Variants in STARD9 observed in about 807,000 individuals in gnomAD.
The protein encoded by STARD9 is stAR-related lipid transfer protein 9.
In STARD9, 346 loss-of-function variants were observed where a neutral mutation model predicts 399.8. That is an observed-to-expected ratio of 0.87 (90% confidence interval 0.79 to 0.95). STARD9 has a LOEUF of 0.95. Among genes scored for constraint, STARD9 ranks in the 40% least tolerant of loss-of-function variants. The pLI is 0.00. For missense variants in STARD9, 5,832 were observed against 5,667.5 expected, an observed-to-expected ratio of 1.03 and a Z score of -0.93; for synonymous variants, 2,203 against 2,143.5, an observed-to-expected ratio of 1.03 and a Z score of -0.77.
intron 3 of STARD9, among the ~76,000 whole-genome samples, chr15:42,592,857 G>C (rs1036005014): frequency 1.4e-4 from 22 of 152,106 alleles, no homozygotes; most frequent in African/African-American, 5.1e-4. Flanking sequence ...ATTTTTTCTG[G>C]CTTGAATCTG....
chr15:42,712,705 T>C (rs1269996233), intron 26 of STARD9, among the ~76,000 whole-genome samples: 1 of 152,182 alleles, frequency 6.6e-6, no homozygotes, highest in Non-Finnish European at 1.5e-5. Flanking sequence ...TACCACACTT[T>C]TTGTGTGTGT....
chr15:42,621,529 T>C (rs567681136), intron 3 of STARD9, among the ~76,000 whole-genome samples: 2 of 152,254 alleles, frequency 1.3e-5, no homozygotes, highest in Non-Finnish European at 2.9e-5. Context: ...GATAACACTT[T>C]TGGACAGAAA....
In STARD9 at chr15:42,684,696, G is replaced by T; in HGVS notation, c.3118G>T (p.Ala1040Ser). The T allele has an allele frequency of 6.5e-7, 1 of 1,537,098 alleles. No homozygotes were observed. Among genetic ancestry groups the T allele is most frequent in the Non-Finnish European group, 8.7e-7 (1 of 1,146,898 alleles). Residue 1040 changes from alanine (A) to serine (S), a missense_variant, in exon 23 of 33, where the codon GCA (alanine) becomes TCA (serine). This residue lies in a region of STARD9 where 5,828 missense variants were observed against 5,651.1 expected (regional missense o/e 1.03). Coordinates refer to ENST00000290607, the MANE Select transcript of STARD9 (RefSeq NM_020759.3). ...TEYKPPSPSR[A>S]SKRHQRVLAT... ...ATACAAACCACCTTCTCCAAGCAGGGCATCAAAAAGGCATCAGAGGGTTCT... is the reference window on the plus strand; with the variant it reads ...ATACAAACCACCTTCTCCAAGCAGGTCATCAAAAAGGCATCAGAGGGTTCT...
chr15:42,601,993 C>G (rs568003335), intron 3 of STARD9, among the ~76,000 whole-genome samples: 272 of 152,298 alleles, frequency 1.8e-3, no homozygotes, highest in Non-Finnish European at 2.3e-3. Context: ...ACTACAGGTG[C>G]GTGTCACCAC....
At chr15:42,695,610 GGGA>G (rs1454591495) in intron 25 of STARD9, 130 bp from the exon 26 acceptor site, 2 of 1,050,846 alleles carry the variant, frequency 1.9e-6, no homozygotes, top group African/African-American at 3.2e-5. Context: ...GGCTAAGTCA[GGGA>G]GGCCCTGGGA....
rs1489700003 is a variant in STARD9 at position 42,689,437 on chromosome 15, C to T, written c.7859C>T (p.Ser2620Phe). 4.6e-6 allele frequency: 7 copies of T among 1,537,410 alleles called. No homozygotes were observed. In the African/African-American group the frequency reaches 9.6e-5, roughly 21 times the overall value. The change falls in exon 23 of 33, where the codon TCT (serine) becomes TTT (phenylalanine). Residue 2620 changes from serine (S) to phenylalanine (F), a missense_variant. Physicochemically the swap from Ser to Phe is radical, Grantham distance 155. Coordinates refer to ENST00000290607, the MANE Select transcript of STARD9 (RefSeq NM_020759.3). ...EGEAPGFHVA[S>F]LSAEAGQIDL... ...GAAGCACCGGGATTTCATGTGGCAT[C>T]TCTATCTGCTGAAGCAGGGCAGATA...
intron 4 of STARD9, among the ~76,000 whole-genome samples, chr15:42,635,459 A>C (rs2059401732): frequency 6.6e-6 from 1 of 151,858 alleles, no homozygotes; most frequent in Non-Finnish European, 1.5e-5. Context: ...CCTCCAGAGT[A>C]GCTGGGACTA....
intron 26 of STARD9, among the ~76,000 whole-genome samples, chr15:42,712,081 T>TATATATATATATA (rs57090140): frequency 2.6e-5 from 1 of 39,130 alleles, no homozygotes; most frequent in African/African-American, 3.2e-4. Flanking sequence ...TATATATATA[T>TATATATATATATA]TATATATATA....
In STARD9 at chr15:42,687,439, G is replaced by T. The variant is rs1189999169; in HGVS notation, c.5861G>T (p.Arg1954Leu). The T allele has an allele frequency of 6.5e-7, 1 of 1,537,066 alleles. No individual in the cohort carries two copies. The highest frequency in any genetic ancestry group is 8.7e-7 in the Non-Finnish European group (1 of 1,146,916). ...AVSLKSRSVD[R>L]RVSSPVMVAQ... ...TCTTTGAAATCCAGATCAGTAGATC[G>T]TAGAGTAAGCAGCCCAGTGATGGTG... is the stretch of plus-strand genomic sequence containing the variant. Residue 1954 changes from arginine to leucine, a missense_variant, in exon 23 of 33, where the codon CGT (arginine) becomes CTT (leucine). Physicochemically the swap from Arg to Leu is moderately radical, Grantham distance 102 (BLOSUM62 -2). Coordinates refer to ENST00000290607, the MANE Select transcript of STARD9 (RefSeq NM_020759.3).
chr15:42,617,756 GTTCTT>G (rs959801429), intron 3 of STARD9, among the ~76,000 whole-genome samples: 3 of 151,294 alleles, frequency 2.0e-5, no homozygotes, highest in Admixed American at 1.3e-4. Flanking sequence ...TTTTTATTTT[GTTCTT>G]TTCTTTTCTA....
At chr15:42,592,917 G>C (rs1305767147) in intron 3 of STARD9, among the ~76,000 whole-genome samples, 1 of 152,160 alleles carries the variant, frequency 6.6e-6, no homozygotes, top group African/African-American at 2.4e-5. Context: ...TTGAATTCAG[G>C]CAGTCAGTTA....
At chr15:42,694,472 G>T in intron 23 of STARD9, 56 bp from the exon 24 acceptor site, 1 of 1,528,344 alleles carries the variant, frequency 6.5e-7, no homozygotes, top group Non-Finnish European at 8.8e-7. Context: ...GTCAGAGATA[G>T]ATCTTAAAGT....
rs34614271 is a variant in STARD9 at position 42,699,392 on chromosome 15, C to CTTTTTTTTT, written c.13284+3524_13284+3532dup. On this transcript the variant is annotated intron_variant, in intron 26 of 32. Coordinates refer to ENST00000290607, the MANE Select transcript of STARD9 (RefSeq NM_020759.3). ...TCTATGAGATCAACTTTTTTCTTTT[C>CTTTTTTTTT]TTTTTTTTTTTTTTTTTTTTGAGAT... Among the ~76,000 whole-genome samples the CTTTTTTTTT allele has an allele frequency of 1.0e-3, 117 of 113,290 alleles. 4 individuals carry two copies. The highest frequency in any genetic ancestry group is 4.5e-3 in the African/African-American group (111 of 24,548). The allele number at this position is 113,290 out of a possible 152,430, so 74.3% of individuals were successfully genotyped here.
Position 42,719,868 on chromosome 15 carries a change from G to T in STARD9, c.*294G>T, listed in dbSNP as rs1358888946. 5 of 308,082 alleles carry T rather than the reference G, an allele frequency of 1.6e-5. No homozygotes were observed. Among genetic ancestry groups the T allele is most frequent in the Non-Finnish European group, 3.0e-5 (5 of 165,544 alleles). The allele number at this position is 308,082 out of a possible 1,614,324, so 19.1% of individuals were successfully genotyped here. ...TCTCACCTTTCTTTCCTGTTTCTGG[G>T]ACTCTGCGGCAGACAGGACACTTAA... On this transcript the variant is annotated 3_prime_UTR_variant, in exon 33 of 33. Transcript: ENST00000290607.
chr15:42,685,661 T>C lies in STARD9; in HGVS notation c.4083T>C (p.Pro1361=). 1 of 1,537,232 alleles carries C rather than the reference T, an allele frequency of 6.5e-7. No individual in the cohort carries two copies. Among genetic ancestry groups the C allele is most frequent in the Non-Finnish European group, 8.7e-7 (1 of 1,146,928 alleles). ...PGIVGSLCPS[P]DMQEFHSCKG... Reference sequence around the variant, plus strand: ...TAGTGGGTTCTTTATGTCCAAGTCCTGATATGCAGGAATTTCACTCCTGTA... The same window carrying C: ...TAGTGGGTTCTTTATGTCCAAGTCCCGATATGCAGGAATTTCACTCCTGTA... Residue 1361 remains proline (P), a synonymous_variant, in exon 23 of 33, where the codon CCT becomes CCC. Coordinates refer to ENST00000290607, the MANE Select transcript of STARD9 (RefSeq NM_020759.3).
intron 3 of STARD9, among the ~76,000 whole-genome samples, chr15:42,630,963 C>T (rs576444632): frequency 1.0e-4 from 15 of 148,878 alleles, no homozygotes; most frequent in Admixed American, 2.7e-4. Context: ...GTGTTTGATT[C>T]GCTCTTACTT....
chr15:42,719,394 G>A, intron 32 of STARD9, 79 bp from the exon 33 acceptor site: 1 of 890,630 alleles, frequency 1.1e-6, no homozygotes, highest in South Asian at 1.5e-5. Flanking sequence ...ACAGGCTGAG[G>A]GGACTCCATG....
In STARD9 at chr15:42,691,379, C is replaced by T; in HGVS notation, c.9801C>T (p.Phe3267=). ...TGTCCAAGATTTTATCACAGGGCTT[C>T]AAAGACCCAGCCACTGTGTCCTTGA... ...PPVSKILSQG[F]KDPATVSLRQ... Residue 3267 remains phenylalanine, a synonymous_variant, in exon 23 of 33, where the codon TTC becomes TTT. Coordinates refer to ENST00000290607, the MANE Select transcript of STARD9 (RefSeq NM_020759.3). 6.5e-7 allele frequency: 1 copy of T among 1,537,234 alleles called. No homozygotes were observed. The highest frequency in any genetic ancestry group is 8.7e-7 in the Non-Finnish European group (1 of 1,146,896).
At chr15:42,707,713 G>A (rs1032324133) in intron 26 of STARD9, among the ~76,000 whole-genome samples, 1 of 151,834 alleles carries the variant, frequency 6.6e-6, no homozygotes, top group African/African-American at 2.4e-5. Flanking sequence ...CTCATGATCC[G>A]CCCATAAGAT....
Sources: allele counts gnomAD v4.1 joint callset (sites outside exome capture counted in the v4.1 genomes callset), GRCh38; gene constraint gnomAD v4.1.1; regional missense constraint gnomAD v4.1.1; transcripts MANE v1.5; gene names NCBI Gene and HGNC (gene_info 2026-07-23, HGNC 2026-07-21).